Variants in RDH10 observed in about 807,000 individuals in gnomAD.
The protein encoded by RDH10 is retinol dehydrogenase 10 (all-trans).
In RDH10, 12 loss-of-function variants were observed where a neutral mutation model predicts 30.2. The ratio of observed to expected loss-of-function variants is 0.40; its 90% confidence interval spans 0.25 to 0.64. RDH10 has a LOEUF of 0.64. RDH10 is among the 30% of genes least tolerant of loss of function. The probability of loss-of-function intolerance (pLI) is 0.43; values close to 1 mark genes in which losing one functional copy is unlikely to be tolerated. For missense variants in RDH10, 268 were observed against 445.2 expected, an observed-to-expected ratio of 0.60 and a Z score of 3.58; for synonymous variants, 189 against 172.2, an observed-to-expected ratio of 1.10 and a Z score of -0.76.
chr8:73,297,123 G>A, intron 1 of RDH10, 71 bp from the exon 2 acceptor site: 3 of 858,168 alleles, frequency 3.5e-6, no homozygotes, highest in Non-Finnish European at 4.0e-6. Context: ...CCTACTGATC[G>A]CCATGTGACT....
chr8:73,300,213 A>C (rs1244135890), intron 2 of RDH10: 1 of 152,186 alleles, frequency 6.6e-6, no homozygotes, highest in African/African-American at 2.4e-5. Context: ...GGAATTTCTG[A>C]CTTCTTGCTG....
intron 2 of RDH10, chr8:73,297,836 A>C (rs1814298610): frequency 4.4e-6 from 1 of 227,148 alleles, no homozygotes; most frequent in Non-Finnish European, 8.9e-6. Context: ...AAAGTGCCAA[A>C]GATTCTGAAA....
At chr8:73,298,924 C>T (rs911258460) in intron 2 of RDH10, among the ~76,000 whole-genome samples, 1 of 152,212 alleles carries the variant, frequency 6.6e-6, no homozygotes, top group Non-Finnish European at 1.5e-5. Context: ...AAGCAATTCT[C>T]CTGTCTCAGT....
rs2130350292 is a variant in RDH10, at chr8:73,295,203, A to G, written c.-87A>G. 7.7e-7 allele frequency: 1 copy of G among 1,297,616 alleles called. No individual in the cohort carries two copies. Among genetic ancestry groups the G allele is most frequent in the Non-Finnish European group, 1.0e-6 (1 of 983,158 alleles). The allele number at this position is 1,297,616 out of a possible 1,614,324, so 80.4% of individuals were successfully genotyped here. On this transcript the variant is annotated 5_prime_UTR_variant, in exon 1 of 6. Coordinates refer to ENST00000240285, the MANE Select transcript of RDH10 (RefSeq NM_172037.5). ...CCTTCTCGTCCCGGCCTCTGTGACAAGCGCCCCGGAGCCGGGAGCCCGATT... is the reference window on the plus strand; with the variant it reads ...CCTTCTCGTCCCGGCCTCTGTGACAGGCGCCCCGGAGCCGGGAGCCCGATT...
chr8:73,324,507 C>T lies in RDH10; in HGVS notation c.*1471C>T, dbSNP rs1019970856. On this transcript the variant is annotated 3_prime_UTR_variant, in exon 6 of 6. Transcript: ENST00000240285. The stretch of plus-strand genomic sequence containing the variant: ...GTTTAAGGCTGTTAAAATAAGCCAA[C>T]TTTTACTAATTGGGGAGTTTTATAA... The T allele has an allele frequency of 6.6e-6, 1 of 152,264 alleles. No individual in the cohort carries two copies. Among genetic ancestry groups the T allele is most frequent in the Non-Finnish European group, 1.5e-5 (1 of 67,994 alleles). The allele number at this position is 152,264 out of a possible 1,614,324, so 9.4% of individuals were successfully genotyped here. A position where few individuals can be genotyped will look rare whatever the true frequency, so the allele number is the denominator to read the frequency against.
rs188268180 is a variant in RDH10, at chr8:73,322,447, T to C, written c.771-232T>C. ...TTAAAAACATGACTTTTTCATCTTA[T>C]GGAAAAGCAGACCAATTTTGCTTTT... On this transcript the variant is annotated intron_variant, in intron 4 of 5. Coordinates refer to ENST00000240285, the MANE Select transcript of RDH10 (RefSeq NM_172037.5). The C allele has an allele frequency of 8.0e-5, 37 of 463,990 alleles. No individual in the cohort carries two copies. In the East Asian group the frequency reaches 1.3e-3, roughly 16 times the overall value. 28.7% of individuals were successfully genotyped at this position (463,990 alleles called of 1,614,324 possible).
chr8:73,306,540 A>G (rs1333812388), intron 2 of RDH10, among the ~76,000 whole-genome samples: 2 of 152,266 alleles, frequency 1.3e-5, no homozygotes, highest in Non-Finnish European at 2.9e-5. Context: ...ACTGCAGCAA[A>G]TGCTGCTAGA....
intron 1 of RDH10, among the ~76,000 whole-genome samples, chr8:73,296,530 G>A (rs556741501): frequency 6.6e-6 from 1 of 152,192 alleles, no homozygotes; most frequent in Admixed American, 6.5e-5. Context: ...TAAAAGATAA[G>A]GGTATTCATT....
Position 73,322,664 on chromosome 8 carries a change from A to G in RDH10, c.771-15A>G. ...TGTTAATTTTTCATTTTGTTTTTGA[A>G]TAAATAACTTTCAGGAAAGAAATTG... is the stretch of plus-strand genomic sequence containing the variant. On this transcript the variant is annotated splice_polypyrimidine_tract_variant and intron_variant, in intron 4 of 5. Transcript: ENST00000240285. The G allele has an allele frequency of 6.2e-7, 1 of 1,602,590 alleles. No individual in the cohort carries two copies. The highest frequency in any genetic ancestry group is 8.5e-7 in the Non-Finnish European group (1 of 1,173,784).
chr8:73,309,669 A>T (rs1259481568), intron 2 of RDH10, among the ~76,000 whole-genome samples: 1 of 147,458 alleles, frequency 6.8e-6, no homozygotes, highest in East Asian at 2.0e-4. Flanking sequence ...GGAAAATGTC[A>T]TTACAATATG....
intron 2 of RDH10, among the ~76,000 whole-genome samples, chr8:73,304,519 A>G (rs1031822534): frequency 2.6e-5 from 4 of 152,168 alleles, no homozygotes; most frequent in African/African-American, 9.7e-5. Context: ...GTATGACCAT[A>G]TTGCTCACAG....
rs370770985 is a variant in RDH10, at chr8:73,297,481, T to C, written c.525+52T>C. 7.4e-5 allele frequency: 100 copies of C among 1,345,118 alleles called. No individual in the cohort carries two copies. The African/African-American group carries it at 1.4e-3, about 19-fold the overall frequency. 83.3% of individuals were successfully genotyped at this position (1,345,118 alleles called of 1,614,324 possible). On this transcript the variant is annotated intron_variant, in intron 2 of 5. Transcript: ENST00000240285. ...TGCTGGGCCCTCCTTAATGAGAAGG[T>C]TGGGAAGGGGAGAGACTTCAGTGCC... is the stretch of plus-strand genomic sequence containing the variant.
In RDH10 at chr8:73,320,440, G is replaced by GT. The variant is rs954654905; in HGVS notation, c.625-482dup. ...GAACCACATCAGGTATCTGGTTTGT[G>GT]TTTTTTTTTTGTTTTTGTTTTTGTT... On this transcript the variant is annotated intron_variant, in intron 3 of 5. Coordinates refer to ENST00000240285, the MANE Select transcript of RDH10 (RefSeq NM_172037.5). 6.5e-3 allele frequency among the ~76,000 whole-genome samples: 910 copies of GT among 140,764 alleles called. 4 individuals are homozygous for GT. Among genetic ancestry groups the GT allele is most frequent in the African/African-American group, 0.015 (570 of 38,464 alleles). The allele number at this position is 140,764 out of a possible 152,430, so 92.3% of individuals were successfully genotyped here.
chr8:73,312,562 TAA>T (rs1325354794), intron 2 of RDH10: 4 of 152,236 alleles, frequency 2.6e-5, no homozygotes, highest in Non-Finnish European at 5.9e-5. Flanking sequence ...GTGATTCTGA[TAA>T]AGATAAGTTA....
intron 2 of RDH10, among the ~76,000 whole-genome samples, chr8:73,301,039 ATTCTTTTT>A (rs1385825997): frequency 1.0e-4 from 10 of 98,800 alleles, no homozygotes; most frequent in African/African-American, 4.0e-4. Flanking sequence ...ACAAAACTCT[ATTCTTTTT>A]TTTTTTTTTT....
chr8:73,309,847 A>T (rs944703923), intron 2 of RDH10, among the ~76,000 whole-genome samples: 5 of 152,110 alleles, frequency 3.3e-5, no homozygotes, highest in African/African-American at 1.2e-4. Context: ...TGCTGCTGGC[A>T]TCTAGTGGAG....
At chr8:73,317,663 G>T (rs757567192) in intron 2 of RDH10, among the ~76,000 whole-genome samples, 2 of 152,214 alleles carry the variant, frequency 1.3e-5, no homozygotes, top group African/African-American at 4.8e-5. Context: ...GCTCACGCCT[G>T]TAATCCCAGC....
At chr8:73,307,717 G>A (rs996543574) in intron 2 of RDH10, among the ~76,000 whole-genome samples, 2 of 152,178 alleles carry the variant, frequency 1.3e-5, no homozygotes, top group Non-Finnish European at 2.9e-5. Flanking sequence ...CTTAGCTGTG[G>A]GCTACAAGTT....
At chr8:73,304,939 A>G (rs1814441815) in intron 2 of RDH10, among the ~76,000 whole-genome samples, 1 of 152,194 alleles carries the variant, frequency 6.6e-6, no homozygotes, top group Admixed American at 6.5e-5. Flanking sequence ...TGTGTTATTT[A>G]TCTCAATTCC....
Sources: gnomAD v4.1 joint callset for allele counts (sites outside exome capture counted in the v4.1 genomes callset) on GRCh38, gnomAD v4.1.1 for gene constraint, MANE v1.5 for transcripts, NCBI Gene and HGNC (gene_info 2026-07-23, HGNC 2026-07-21) for gene names.